Variants in ASAP1 observed in about 807,000 individuals in gnomAD.
ASAP1 encodes ArfGAP with SH3 domain, ankyrin repeat and PH domain 1, also known as arf-GAP with SH3 domain, ANK repeat and PH domain-containing protein 1.
A neutral mutation model predicts 145.2 loss-of-function variants in ASAP1; 43 were observed. That is an observed-to-expected ratio of 0.30 (90% CI 0.23 to 0.38). The LOEUF (loss-of-function observed/expected upper bound fraction) is 0.38, where lower values mean the gene tolerates loss of function less well. Ranked by LOEUF, ASAP1 falls within the 10% of genes least tolerant of loss-of-function variation. The pLI is 1.00. For synonymous variants in ASAP1, 546 were observed against 515.5 expected, an observed-to-expected ratio of 1.06 and a Z score of -0.80; for missense variants, 1,018 against 1,355.3, an observed-to-expected ratio of 0.75 and a Z score of 3.91.
At chr8:130,120,303 C>G (rs553223691) in intron 18 of ASAP1, among the ~76,000 whole-genome samples, 2 of 152,354 alleles carry the variant, frequency 1.3e-5, no homozygotes, top group East Asian at 3.9e-4. Flanking sequence ...AAGGCAGCTA[C>G]TGTGTTGATG....
In ASAP1 at chr8:130,184,695, C is replaced by T. The variant is rs185357222; in HGVS notation, c.530+2541G>A. 1.8e-4 allele frequency among the ~76,000 whole-genome samples: 28 copies of T among 152,316 alleles called. No individual in the cohort carries two copies. The East Asian group carries it at 5.2e-3, about 28-fold the overall frequency. ...TACATGCTGACAGAGTAAGTCTTAA[C>T]TAGTAAAAGCACTATCTGATGTTTT... On this transcript the variant is annotated intron_variant, in intron 7 of 29. Transcript: ENST00000518721.
intron 12 of ASAP1, among the ~76,000 whole-genome samples, chr8:130,157,672 C>G (rs184699922): frequency 5.3e-5 from 8 of 152,278 alleles, no homozygotes; most frequent in Middle Eastern, 3.4e-3. Flanking sequence ...GCTCACTACT[C>G]TAGCTACATT....
intron 3 of ASAP1, among the ~76,000 whole-genome samples, chr8:130,354,707 G>C (rs1323677424): frequency 6.6e-6 from 1 of 152,102 alleles, no homozygotes; most frequent in Non-Finnish European, 1.5e-5. Context: ...CTGGCTTTTT[G>C]CTTGGAAAAC....
chr8:130,123,624 TA>T (rs1011166730), intron 18 of ASAP1, among the ~76,000 whole-genome samples: 3 of 152,152 alleles, frequency 2.0e-5, no homozygotes, highest in African/African-American at 7.2e-5. Context: ...TGTAAAAAAC[TA>T]AAGACTTTCT....
intron 3 of ASAP1, among the ~76,000 whole-genome samples, chr8:130,355,383 C>T (rs1010244786): frequency 6.6e-6 from 1 of 151,510 alleles, no homozygotes; most frequent in Non-Finnish European, 1.5e-5. Context: ...ATCTAAAGAG[C>T]AAAAAAAGGT....
intron 3 of ASAP1, among the ~76,000 whole-genome samples, chr8:130,248,890 C>G (rs934040345): frequency 1.3e-5 from 2 of 152,112 alleles, no homozygotes; most frequent in African/African-American, 4.8e-5. Flanking sequence ...CAAGAGGCCA[C>G]AAAATTCTGC....
At chr8:130,211,135 A>T (rs16904217) in intron 5 of ASAP1, among the ~76,000 whole-genome samples, 1 of 152,258 alleles carries the variant, frequency 6.6e-6, no homozygotes, top group Middle Eastern at 3.4e-3. Flanking sequence ...CTCGAATCCT[A>T]TGTTACAAGG....
intron 2 of ASAP1, among the ~76,000 whole-genome samples, chr8:130,368,237 G>T (rs981177133): frequency 1.3e-5 from 2 of 152,126 alleles, no homozygotes; most frequent in East Asian, 1.9e-4. Context: ...AGACAGCAGA[G>T]AACTTATTTT....
intron 3 of ASAP1, among the ~76,000 whole-genome samples, chr8:130,284,310 T>C (rs1385078217): frequency 6.6e-6 from 1 of 152,136 alleles, no homozygotes; most frequent in African/African-American, 2.4e-5. Context: ...CAAACAACCA[T>C]TCTAGACAGT....
intron 3 of ASAP1, among the ~76,000 whole-genome samples, chr8:130,290,635 G>C (rs1396379362): frequency 6.6e-6 from 1 of 152,142 alleles, no homozygotes; most frequent in African/African-American, 2.4e-5. Flanking sequence ...ATTCTTCTCA[G>C]GCTGCAGTCA....
intron 4 of ASAP1, among the ~76,000 whole-genome samples, chr8:130,215,240 C>T (rs1423169481): frequency 3.3e-5 from 5 of 152,078 alleles, no homozygotes. Context: ...ATTTATAGTC[C>T]AGTTAATCCA....
intron 27 of ASAP1, among the ~76,000 whole-genome samples, chr8:130,065,908 G>A (rs140306528): frequency 5.7e-4 from 86 of 152,160 alleles, no homozygotes; most frequent in African/African-American, 2.0e-3. Flanking sequence ...GAGCTGTTTC[G>A]CACAGAGATC....
At chr8:130,375,390 A>G (rs1827437409) in intron 2 of ASAP1, among the ~76,000 whole-genome samples, 3 of 151,946 alleles carry the variant, frequency 2.0e-5, no homozygotes, top group Admixed American at 2.0e-4. Flanking sequence ...AGAGGAAAAA[A>G]AAAAAGTAAT....
chr8:130,175,219 T>A (rs1178542270), intron 9 of ASAP1, among the ~76,000 whole-genome samples: 3 of 151,852 alleles, frequency 2.0e-5, no homozygotes, highest in Admixed American at 2.0e-4. Flanking sequence ...TGGCCATTTG[T>A]GTGTGTGTGT....
intron 4 of ASAP1, among the ~76,000 whole-genome samples, chr8:130,226,142 T>G (rs1204395934): frequency 6.6e-6 from 1 of 151,690 alleles, no homozygotes; most frequent in Non-Finnish European, 1.5e-5. Context: ...CCTCCCAAAG[T>G]GCTGTGATTA....
At chr8:130,289,396 GTGTTAC>G (rs1282280741) in intron 3 of ASAP1, among the ~76,000 whole-genome samples, 1 of 152,162 alleles carries the variant, frequency 6.6e-6, no homozygotes, top group East Asian at 1.9e-4. Context: ...CAAAGTATGT[GTGTTAC>G]TTTTACATGA....
chr8:130,233,541 T>C (rs1049982375), intron 4 of ASAP1, among the ~76,000 whole-genome samples: 1 of 152,240 alleles, frequency 6.6e-6, no homozygotes, highest in African/African-American at 2.4e-5. Flanking sequence ...TTGGCTTGTT[T>C]GGCTTAGCCT....
chr8:130,202,236 A>C (rs1815914011), intron 5 of ASAP1, among the ~76,000 whole-genome samples: 1 of 152,216 alleles, frequency 6.6e-6, no homozygotes, highest in Admixed American at 6.5e-5. Context: ...GCAGAAAAGG[A>C]ATCTTCTTAG....
At chr8:130,145,150 G>C (rs1031588054) in intron 13 of ASAP1, among the ~76,000 whole-genome samples, 1 of 152,162 alleles carries the variant, frequency 6.6e-6, no homozygotes, top group Admixed American at 6.5e-5. Flanking sequence ...ATAGTATATA[G>C]AGTTTGGGCC....
Sources: gnomAD v4.1 joint callset for allele counts (sites outside exome capture counted in the v4.1 genomes callset) on GRCh38, gnomAD v4.1.1 for gene constraint, MANE v1.5 for transcripts, NCBI Gene and HGNC (gene_info 2026-07-23, HGNC 2026-07-21) for gene names.